The following FAM234B variants were observed in gnomAD, a reference collection of about 807,000 sequenced individuals.
The protein encoded by FAM234B is protein FAM234B.
A neutral mutation model predicts 69.3 loss-of-function variants in FAM234B; 33 were observed. The ratio of observed to expected loss-of-function variants is 0.48; its 90% CI spans 0.36 to 0.64. The LOEUF (loss-of-function observed/expected upper bound fraction) is 0.64. Ranked by LOEUF, FAM234B falls within the 30% of genes least tolerant of loss-of-function variation. The pLI is 0.00. For synonymous variants in FAM234B, 306 were observed against 306.9 expected (o/e 1.00, Z 0.03); for missense variants, 697 against 769.7 (o/e 0.91, Z 1.12).
Position 13,080,484 on chromosome 12 carries a change from A to G in FAM234B, c.1864-141A>G, listed in dbSNP as rs577261585. The G allele has an allele frequency of 1.6e-4, 106 of 646,196 alleles. 1 individual carries two copies. The South Asian group carries it at 1.7e-3, about 11-fold the overall frequency. 40.0% of individuals were successfully genotyped at this position (646,196 alleles called of 1,614,324 possible). A position where few individuals can be genotyped will look rare whatever the true frequency, so the allele number is the denominator to read the frequency against. On this transcript the variant is annotated intron_variant, in intron 12 of 12. Transcript: ENST00000197268. ...AACAAAGTTTCTGGGCCTTTCTGGA[A>G]GGAGGAAATGTTTACAGACTATTGG... is the stretch of plus-strand genomic sequence containing the variant.
At chr12:13,048,955 G>A (rs1864843118) in intron 1 of FAM234B, among the ~76,000 whole-genome samples, 1 of 152,170 alleles carries the variant, frequency 6.6e-6, no homozygotes, top group Non-Finnish European at 1.5e-5. Context: ...TCACTACCAT[G>A]AGAACAGTAC....
intron 2 of FAM234B, among the ~76,000 whole-genome samples, chr12:13,057,783 G>T (rs1022426208): frequency 2.0e-5 from 3 of 152,190 alleles, no homozygotes; most frequent in African/African-American, 7.2e-5. Flanking sequence ...AGAGGAGGGA[G>T]AGGGCTGCCT....
intron 3 of FAM234B, among the ~76,000 whole-genome samples, chr12:13,060,562 G>T (rs1864973642): frequency 6.6e-6 from 1 of 152,012 alleles, no homozygotes; most frequent in African/African-American, 2.4e-5. Flanking sequence ...GAGAAGCCTG[G>T]AAGTTACCAT....
At chr12:13,079,367 T>C (rs1865198457) in intron 11 of FAM234B, among the ~76,000 whole-genome samples, 1 of 152,238 alleles carries the variant, frequency 6.6e-6, no homozygotes, top group Admixed American at 6.5e-5. Flanking sequence ...ATCCCTTCCT[T>C]ACACCTTATA....
chr12:13,059,373 C>T (rs1301156348), intron 3 of FAM234B, among the ~76,000 whole-genome samples: 1 of 152,202 alleles, frequency 6.6e-6, no homozygotes, highest in African/African-American at 2.4e-5. Flanking sequence ...ACATGCTGGC[C>T]ACATCTTTGT....
chr12:13,054,877 G>T (rs1864912139), intron 1 of FAM234B, among the ~76,000 whole-genome samples: 1 of 152,228 alleles, frequency 6.6e-6, no homozygotes, highest in Non-Finnish European at 1.5e-5. Flanking sequence ...CTACCTCTGT[G>T]TACTGGCTAG....
intron 4 of FAM234B, chr12:13,062,159 G>T: frequency 6.1e-6 from 1 of 165,174 alleles, no homozygotes; most frequent in Non-Finnish European, 1.3e-5. Flanking sequence ...ATAAAGGTTT[G>T]TTGAGGCTTG....
intron 12 of FAM234B, 49 bp downstream of exon 12, chr12:13,080,058 C>T (rs747528881): frequency 8.2e-6 from 11 of 1,335,432 alleles, no homozygotes; most frequent in Non-Finnish European, 8.2e-6. Context: ...AGGACAAATA[C>T]TACCAATTCC....
intron 10 of FAM234B, among the ~76,000 whole-genome samples, chr12:13,073,569 A>G (rs1193405706): frequency 2.0e-5 from 3 of 152,178 alleles, no homozygotes; most frequent in Non-Finnish European, 4.4e-5. Flanking sequence ...TGGTAAAGCC[A>G]TGTTTCATCT....
intron 3 of FAM234B, 99 bp downstream of exon 3, chr12:13,058,648 C>A: frequency 1.0e-6 from 1 of 982,332 alleles, no homozygotes; most frequent in Non-Finnish European, 1.6e-6. Context: ...GAAGGATCTG[C>A]AGTGAACAGA....
In FAM234B at chr12:13,067,039, C is replaced by A; in HGVS notation, c.1001-116C>A. ...CCCCACTTGTTCCGTGTTGTCCAGT[C>A]TGGGCGGGCTCTGTTAGACCCATCT... On this transcript the variant is annotated intron_variant, in intron 6 of 12. Transcript: ENST00000197268. The surrounding 1 kb of genome is among the most constrained non-coding windows in gnomAD (Gnocchi z 4.7). 1 of 1,215,234 alleles carries A rather than the reference C, an allele frequency of 8.2e-7. No individual in the cohort carries two copies. Among genetic ancestry groups the A allele is most frequent in the Non-Finnish European group, 1.2e-6 (1 of 847,634 alleles). The allele number at this position is 1,215,234 out of a possible 1,614,324, so 75.3% of individuals were successfully genotyped here.
At chr12:13,053,086 A>G (rs1464282447) in intron 1 of FAM234B, among the ~76,000 whole-genome samples, 1 of 152,212 alleles carries the variant, frequency 6.6e-6, no homozygotes, top group Non-Finnish European at 1.5e-5. Flanking sequence ...TTTTGAATTA[A>G]GTTTCTAATA....
At chr12:13,068,852 G>GAT in intron 9 of FAM234B, 141 bp downstream of exon 9, 1 of 555,252 alleles carries the variant, frequency 1.8e-6, no homozygotes, top group Admixed American at 3.4e-5. Context: ...TCATTGAGTG[G>GAT]ATAAAATGAA....
chr12:13,045,564 C>A (rs566745073), intron 1 of FAM234B, among the ~76,000 whole-genome samples: 1 of 152,006 alleles, frequency 6.6e-6, no homozygotes, highest in Non-Finnish European at 1.5e-5. Context: ...ATTTGGATGA[C>A]GCTAGGTTGG....
chr12:13,055,453 G>A (rs1023193196), intron 1 of FAM234B, 98 bp from the exon 2 acceptor site: 1 of 1,255,426 alleles, frequency 8.0e-7, no homozygotes, highest in African/African-American at 1.5e-5. Flanking sequence ...TTTTGTTTTA[G>A]TTTTCCGTGT....
At chr12:13,056,880 T>G (rs1043338682) in intron 2 of FAM234B, among the ~76,000 whole-genome samples, 9 of 152,268 alleles carry the variant, frequency 5.9e-5, no homozygotes, top group Non-Finnish European at 1.2e-4. Context: ...TTCTGTAAAG[T>G]TTTACCATGT....
At position 13,080,983 on chromosome 12, in the gene FAM234B, A is replaced by G. The variant is rs779076127; in HGVS notation, c.*353A>G. The G allele has an allele frequency of 2.5e-4, 57 of 229,854 alleles. No individual in the cohort carries two copies. Among genetic ancestry groups the G allele is most frequent in the Admixed American group, 5.6e-4 (10 of 17,732 alleles). The allele number at this position is 229,854 out of a possible 1,614,324, so 14.2% of individuals were successfully genotyped here. On this transcript the variant is annotated 3_prime_UTR_variant, in exon 13 of 13. Coordinates refer to ENST00000197268, the MANE Select transcript of FAM234B (RefSeq NM_020853.2). Reference sequence around the variant, plus strand: ...CTATGACTAGGAAACATTTTGTTGTACATTGTGCTGTGTGTGTGTATATTT... The same window carrying G: ...CTATGACTAGGAAACATTTTGTTGTGCATTGTGCTGTGTGTGTGTATATTT...
At chr12:13,066,831 T>G (rs1400251424) in intron 6 of FAM234B, 44 bp downstream of exon 6, 2 of 1,589,200 alleles carry the variant, frequency 1.3e-6, no homozygotes, top group Non-Finnish European at 8.6e-7. Context: ...CCACTGGCAT[T>G]TGTGATGAGG....
Position 13,049,403 on chromosome 12 carries a change from G to A in FAM234B, c.37+4963G>A, listed in dbSNP as rs60890575. Reference sequence around the variant, plus strand: ...CCACGTTGGCCGGGCTGGTCTTGAAGTCCTGACCTCAAGTGATCTGCTCGC... The same window carrying A: ...CCACGTTGGCCGGGCTGGTCTTGAAATCCTGACCTCAAGTGATCTGCTCGC... On this transcript the variant is annotated intron_variant, in intron 1 of 12. Transcript: ENST00000197268. Among the ~76,000 whole-genome samples the A allele has an allele frequency of 2.5e-3, 381 of 152,306 alleles. 1 individual carries two copies. Among genetic ancestry groups the A allele is most frequent in the African/African-American group, 8.7e-3 (362 of 41,576 alleles).
Sources: gnomAD v4.1 joint callset for allele counts (sites outside exome capture counted in the v4.1 genomes callset) on GRCh38, gnomAD v4.1.1 for gene constraint, Gnocchi (gnomAD v3.1) non-coding constraint, MANE v1.5 for transcripts, NCBI Gene and HGNC (gene_info 2026-07-23, HGNC 2026-07-21) for gene names.